The following RUNX1 variants were observed in gnomAD, a reference collection of about 807,000 sequenced individuals.
RUNX1 encodes the protein RUNX family transcription factor 1.
RUNX1 carries 19 observed loss-of-function variants against 42.8 expected under a neutral mutation model. The ratio of observed to expected loss-of-function variants is 0.44; its 90% confidence interval spans 0.31 to 0.65. The LOEUF (loss-of-function observed/expected upper bound fraction) is 0.65. RUNX1 is among the 30% of genes least tolerant of loss of function. The pLI is 0.07. For synonymous variants in RUNX1, 271 were observed against 289.4 expected (o/e 0.94, Z 0.64); for missense variants, 528 against 672.0 (o/e 0.79, Z 2.37).
chr21:34,850,439 G>C (rs1272648369), intron 6 of RUNX1, among the ~76,000 whole-genome samples: 1 of 152,188 alleles, frequency 6.6e-6, no homozygotes, highest in Non-Finnish European at 1.5e-5. Flanking sequence ...GCACGCTTGG[G>C]AGACACACTG....
chr21:34,992,095 T>C (rs754196187), intron 2 of RUNX1, among the ~76,000 whole-genome samples: 2 of 152,362 alleles, frequency 1.3e-5, no homozygotes, highest in Middle Eastern at 6.8e-3. Context: ...ACCCAGTTTG[T>C]AGTAATGTGT....
At chr21:35,002,896 A>G (rs2059057243) in intron 2 of RUNX1, among the ~76,000 whole-genome samples, 1 of 152,208 alleles carries the variant, frequency 6.6e-6, no homozygotes, top group Non-Finnish European at 1.5e-5. Context: ...TGTATGAGAA[A>G]AACCAATACA....
chr21:35,026,329 G>A (rs559738330), intron 2 of RUNX1, among the ~76,000 whole-genome samples: 12 of 152,282 alleles, frequency 7.9e-5, no homozygotes, highest in African/African-American at 2.9e-4. Flanking sequence ...TCTGATAACA[G>A]GCAAATGGGG....
intron 2 of RUNX1, among the ~76,000 whole-genome samples, chr21:34,908,894 G>A (rs983360464): frequency 6.6e-6 from 1 of 152,030 alleles, no homozygotes; most frequent in African/African-American, 2.4e-5. Flanking sequence ...GAGGAACAGA[G>A]CCATTGACCT....
At chr21:34,844,750 C>T (rs1055863402) in intron 6 of RUNX1, among the ~76,000 whole-genome samples, 3 of 152,210 alleles carry the variant, frequency 2.0e-5, no homozygotes, top group Admixed American at 1.3e-4. Context: ...CCCTGGGCCT[C>T]GGGGACTTTC....
chr21:34,861,954 C>T (rs1016582856), intron 5 of RUNX1, among the ~76,000 whole-genome samples: 2 of 151,954 alleles, frequency 1.3e-5, no homozygotes, highest in East Asian at 1.9e-4. Context: ...TCTATATACC[C>T]ATGTAGCCCT....
intron 2 of RUNX1, among the ~76,000 whole-genome samples, chr21:35,022,665 C>T (rs1029149597): frequency 5.3e-5 from 8 of 152,042 alleles, no homozygotes; most frequent in South Asian, 4.1e-4. Flanking sequence ...GAGGCTGAGG[C>T]GGGCGGATCA....
chr21:34,913,360 C>G (rs1291451917), intron 2 of RUNX1, among the ~76,000 whole-genome samples: 1 of 152,160 alleles, frequency 6.6e-6, no homozygotes, highest in Non-Finnish European at 1.5e-5. Flanking sequence ...CTGTTGGGTT[C>G]TGATGCGGGG....
intron 2 of RUNX1, among the ~76,000 whole-genome samples, chr21:34,976,186 A>G (rs2058800455): frequency 6.6e-6 from 1 of 152,094 alleles, no homozygotes; most frequent in African/African-American, 2.4e-5. Flanking sequence ...TTCAAGCTCA[A>G]TGAGATCTAG....
At chr21:34,844,543 C>T (rs2057289484) in intron 6 of RUNX1, among the ~76,000 whole-genome samples, 1 of 152,138 alleles carries the variant, frequency 6.6e-6, no homozygotes, top group Non-Finnish European at 1.5e-5. Flanking sequence ...AGGGCCCTTC[C>T]AAGGTTGGGT....
At chr21:34,824,173 A>T (rs1374024012) in intron 7 of RUNX1, among the ~76,000 whole-genome samples, 2 of 152,172 alleles carry the variant, frequency 1.3e-5, no homozygotes, top group Non-Finnish European at 2.9e-5. Context: ...CTTAAAACAG[A>T]AAATAGTCTA....
At chr21:35,018,968 C>T (rs556737242) in intron 2 of RUNX1, among the ~76,000 whole-genome samples, 51 of 152,304 alleles carry the variant, frequency 3.3e-4, no homozygotes, top group African/African-American at 1.2e-3. Context: ...GTTAGTTGTT[C>T]GAACAAAGGC....
chr21:34,833,119 T>G (rs1037782859), intron 7 of RUNX1: 2 of 152,578 alleles, frequency 1.3e-5, no homozygotes, highest in African/African-American at 4.8e-5. Context: ...TTGTTTGTTT[T>G]TTGAGATGGA....
intron 2 of RUNX1, among the ~76,000 whole-genome samples, chr21:34,904,904 T>C (rs2058205768): frequency 6.6e-6 from 1 of 152,250 alleles, no homozygotes; most frequent in Non-Finnish European, 1.5e-5. Context: ...GTAAAGTTTC[T>C]AAAATAGAAA....
At position 34,887,007 on chromosome 21, in the gene RUNX1, C is replaced by T. The variant is rs1407760784; in HGVS notation, c.187G>A (p.Ala63Thr). 1 of 1,602,872 alleles carries T rather than the reference C, an allele frequency of 6.2e-7. No homozygotes were observed. Among genetic ancestry groups the T allele is most frequent in the South Asian group, 1.1e-5 (1 of 90,816 alleles). Residue 63 changes from alanine to threonine, a missense_variant, in exon 4 of 9, where the codon GCC becomes ACC. Ala to Thr is a moderately conservative substitution (Grantham distance 58). Around this residue, in one of 3 missense-constraint regions of RUNX1, gnomAD observed 114 missense variants for 115.0 expected, o/e 0.99. Transcript: ENST00000675419. ...AGCTTGCCGGCCAGGGCAGCGCCGG[C>T]GTCCGGGGCGCCCAGCGGCAACGCC... Reference protein sequence around the residue: ...SEALPLGAPDAGAALAGKLRS... With the variant: ...SEALPLGAPDTGAALAGKLRS...
intron 2 of RUNX1, among the ~76,000 whole-genome samples, chr21:34,971,058 G>A (rs1421272244): frequency 6.6e-6 from 1 of 152,076 alleles, no homozygotes; most frequent in South Asian, 2.1e-4. Flanking sequence ...ATTTATTTCA[G>A]CTGTGTCCAT....
intron 7 of RUNX1, among the ~76,000 whole-genome samples, chr21:34,819,808 C>A (rs1327682312): frequency 6.6e-6 from 1 of 152,214 alleles, no homozygotes; most frequent in African/African-American, 2.4e-5. Flanking sequence ...CGTATTCCCA[C>A]AGCTGTGGCT....
At chr21:34,935,223 C>T (rs539165771) in intron 2 of RUNX1, among the ~76,000 whole-genome samples, 1 of 152,136 alleles carries the variant, frequency 6.6e-6, no homozygotes, top group East Asian at 1.9e-4. Context: ...GAAATGGGTC[C>T]TACAGCTGTG....
In RUNX1 at chr21:34,907,442, C is replaced by A. The variant is rs969350206; in HGVS notation, c.59-14479G>T. On this transcript the variant is annotated intron_variant, in intron 2 of 8. Coordinates refer to ENST00000675419, the MANE Select transcript of RUNX1 (RefSeq NM_001754.5). This position sits in a 1 kb window ranked among gnomAD's most constrained non-coding sequence, Gnocchi z 5.3. The stretch of plus-strand genomic sequence containing the variant: ...TCATCAGTAGTAAGGGTGAATACTG[C>A]TTCCTGAAGCTCTTTTTTTGATTGA... Among the ~76,000 whole-genome samples, 5 of 151,924 alleles carry A rather than the reference C, an allele frequency of 3.3e-5. No individual in the cohort carries two copies. The highest frequency in any genetic ancestry group is 9.7e-5 in the African/African-American group (4 of 41,222).
Sources: allele counts gnomAD v4.1 joint callset (sites outside exome capture counted in the v4.1 genomes callset), GRCh38; gene constraint gnomAD v4.1.1; regional missense constraint gnomAD v4.1.1; non-coding constraint Gnocchi (gnomAD v3.1); transcripts MANE v1.5; gene names NCBI Gene and HGNC (gene_info 2026-07-23, HGNC 2026-07-21).